The following OTOGL variants were observed in gnomAD, a reference collection of about 807,000 sequenced individuals.
The protein encoded by OTOGL is otogelin like.
In OTOGL, 285 loss-of-function variants were observed where a neutral mutation model predicts 318.5. The ratio of observed to expected loss-of-function variants is 0.89; its 90% CI spans 0.81 to 0.99. The LOEUF is 0.99. Among genes scored for constraint, OTOGL ranks in the 50% least tolerant of loss-of-function variants. The pLI is 0.00. For missense variants in OTOGL, 2,899 were observed against 2,845.6 expected, an observed-to-expected ratio of 1.02 and a Z score of -0.43; for synonymous variants, 987 against 936.5, an observed-to-expected ratio of 1.05 and a Z score of -0.99.
chr12:80,139,699 C>T (rs1349319625), intron 1 of OTOGL, among the ~76,000 whole-genome samples: 1 of 152,084 alleles, frequency 6.6e-6, no homozygotes, highest in African/African-American at 2.4e-5. Flanking sequence ...TCCCACTGTG[C>T]TTATCATAGT....
chr12:80,172,471 A>G (rs1874266429), intron 1 of OTOGL, among the ~76,000 whole-genome samples: 2 of 152,122 alleles, frequency 1.3e-5, no homozygotes, highest in South Asian at 4.1e-4. Flanking sequence ...AATGTGCGTC[A>G]TTGGTCTTCT....
At chr12:80,265,258 C>A (rs768857537) in intron 20 of OTOGL, 48 bp downstream of exon 20, 2 of 1,514,924 alleles carry the variant, frequency 1.3e-6, no homozygotes, top group Non-Finnish European at 1.8e-6. Context: ...ACCTTAGAGA[C>A]CTCTATGTTT....
intron 1 of OTOGL, among the ~76,000 whole-genome samples, chr12:80,125,036 C>A (rs1223483344): frequency 1.3e-5 from 2 of 152,232 alleles, no homozygotes; most frequent in Admixed American, 6.5e-5. Flanking sequence ...TTATTCCCTT[C>A]TCCTGCCTAA....
intron 1 of OTOGL, among the ~76,000 whole-genome samples, chr12:80,182,530 C>A (rs1874997603): frequency 6.6e-6 from 1 of 152,164 alleles, no homozygotes; most frequent in Admixed American, 6.6e-5. Flanking sequence ...GCAGTGTGAT[C>A]AATTGACATA....
chr12:80,373,610 A>G (rs1249081079), intron 57 of OTOGL, among the ~76,000 whole-genome samples: 1 of 151,798 alleles, frequency 6.6e-6, no homozygotes, highest in Non-Finnish European at 1.5e-5. Context: ...GTCATACTGA[A>G]CAGAATATTA....
intron 57 of OTOGL, 28 bp downstream of exon 57, chr12:80,372,092 A>G: frequency 6.8e-7 from 1 of 1,469,490 alleles, no homozygotes; most frequent in South Asian, 1.4e-5. Context: ...CCATGCATTT[A>G]CTTGATAGAT....
intron 1 of OTOGL, among the ~76,000 whole-genome samples, chr12:80,173,717 C>T (rs754900816): frequency 1.3e-5 from 2 of 152,148 alleles, no homozygotes; most frequent in Non-Finnish European, 2.9e-5. Flanking sequence ...GATGGAGTTG[C>T]TCTGGTTCAA....
chr12:80,290,774 C>T (rs1884991571), intron 26 of OTOGL, among the ~76,000 whole-genome samples: 1 of 152,174 alleles, frequency 6.6e-6, no homozygotes, highest in African/African-American at 2.4e-5. Context: ...TCTTTGTTCA[C>T]ATTATTATTT....
chr12:80,224,353 A>G (rs1878629750), intron 7 of OTOGL, among the ~76,000 whole-genome samples: 1 of 152,116 alleles, frequency 6.6e-6, no homozygotes. Flanking sequence ...GGGTAATGTA[A>G]TGCCTCAAAC....
chr12:80,303,872 G>T (rs1885935963), intron 28 of OTOGL, among the ~76,000 whole-genome samples: 1 of 152,114 alleles, frequency 6.6e-6, no homozygotes, highest in Non-Finnish European at 1.5e-5. Flanking sequence ...TTTGGGTGGG[G>T]ACACAGAGCC....
At chr12:80,238,556 G>T (rs566567287) in intron 9 of OTOGL, among the ~76,000 whole-genome samples, 8 of 152,180 alleles carry the variant, frequency 5.3e-5, no homozygotes, top group Non-Finnish European at 8.8e-5. Flanking sequence ...GGCGATAAAT[G>T]CTTCACTGGT....
At chr12:80,197,192 G>A (rs1295165802) in intron 1 of OTOGL, among the ~76,000 whole-genome samples, 1 of 152,046 alleles carries the variant, frequency 6.6e-6, no homozygotes, top group Non-Finnish European at 1.5e-5. Context: ...CACCTTTCTG[G>A]ACTGCACCAA....
chr12:80,256,707 C>T (rs1368480999), intron 17 of OTOGL, among the ~76,000 whole-genome samples: 1 of 151,918 alleles, frequency 6.6e-6, no homozygotes, highest in African/African-American at 2.4e-5. Flanking sequence ...CAGCCACTTA[C>T]AATAAAATGT....
In OTOGL at chr12:80,333,033, C is replaced by T. The variant is rs780684297; in HGVS notation, c.4377C>T (p.Ile1459=). The change falls in exon 38 of 59, where the codon ATC becomes ATT. Residue 1459 remains isoleucine (I), a synonymous_variant. Transcript: ENST00000547103. ...GGGAAATGATTACTCCATCAGACATCACTGTGTTTGATATGCTAACACCAA... is the reference window on the plus strand; with the variant it reads ...GGGAAATGATTACTCCATCAGACATTACTGTGTTTGATATGCTAACACCAA... ...TVWEMITPSD[I]TVFDMLTPTT... is the part of the protein sequence containing the mutation. The T allele has an allele frequency of 2.6e-5, 42 of 1,601,630 alleles. No individual in the cohort carries two copies. The highest frequency in any genetic ancestry group is 3.2e-5 in the Non-Finnish European group (37 of 1,173,150).
chr12:80,170,849 T>C (rs1305961908), intron 1 of OTOGL, among the ~76,000 whole-genome samples: 1 of 152,234 alleles, frequency 6.6e-6, no homozygotes, highest in Admixed American at 6.5e-5. Context: ...ACAGTGTTTT[T>C]TATAGAACAA....
chr12:80,225,840 C>T (rs1181008498), intron 7 of OTOGL, among the ~76,000 whole-genome samples: 1 of 152,000 alleles, frequency 6.6e-6, no homozygotes, highest in African/African-American at 2.4e-5. Context: ...TGTTGATAAA[C>T]ATTATCATAC....
At position 80,313,583 on chromosome 12, in the gene OTOGL, G is replaced by A. The variant is rs185924153; in HGVS notation, c.3558G>A (p.Lys1186=). The part of the protein sequence containing the change: ...LCTSIAAYAY[K]CCQEGISIHW... ...CTAGTATAGCTGCATATGCATACAA[G>A]TGTTGTCAGGAAGGAATATCAATTC... The change falls in exon 31 of 59, where the codon AAG becomes AAA. Residue 1186 remains lysine, a synonymous_variant. Coordinates refer to ENST00000547103, the MANE Select transcript of OTOGL (RefSeq NM_001378609.3). The A allele has an allele frequency of 5.6e-6, 9 of 1,612,876 alleles. No individual in the cohort carries two copies. The African/African-American group carries it at 1.1e-4, about 19-fold the overall frequency.
intron 28 of OTOGL, among the ~76,000 whole-genome samples, chr12:80,303,161 AT>A (rs900188184): frequency 9.9e-5 from 15 of 151,840 alleles, no homozygotes; most frequent in South Asian, 2.1e-4. Context: ...AATTATTATT[AT>A]TTTTTTTTTT....
chr12:80,247,175 C>G (rs1880984550), intron 11 of OTOGL, among the ~76,000 whole-genome samples: 1 of 147,532 alleles, frequency 6.8e-6, no homozygotes, highest in Admixed American at 6.6e-5. Flanking sequence ...CAGTTCTGCT[C>G]TGATTTTAGT....
Sources: gnomAD v4.1 joint callset for allele counts (sites outside exome capture counted in the v4.1 genomes callset) on GRCh38, gnomAD v4.1.1 for gene constraint, MANE v1.5 for transcripts, NCBI Gene and HGNC (gene_info 2026-07-23, HGNC 2026-07-21) for gene names.